PCLO: variants seen among roughly 807,000 people sequenced by gnomAD.
PCLO encodes the protein piccolo presynaptic cytomatrix protein.
In PCLO, 82 loss-of-function variants were observed where a neutral mutation model predicts 427.5. The observed-to-expected ratio is 0.19, with a 90% CI of 0.16 to 0.23. PCLO has a LOEUF of 0.23. Among genes scored for constraint, PCLO ranks in the 10% least tolerant of loss-of-function variants. The probability of loss-of-function intolerance (pLI) is 1.00; values close to 1 mark genes in which losing one functional copy is unlikely to be tolerated. For synonymous variants in PCLO, 2,357 were observed against 2,155.4 expected, an observed-to-expected ratio of 1.09 and a Z score of -2.59; for missense variants, 6,239 against 6,115.9, an observed-to-expected ratio of 1.02 and a Z score of -0.67.
intron 3 of PCLO, among the ~76,000 whole-genome samples, chr7:83,076,123 TAA>T (rs3039471): frequency 0.74 from 109,935 of 148,326 alleles, 40,854 homozygotes; most frequent in East Asian, 0.84. Flanking sequence ...TTCTTGGATT[TAA>T]AAAAAAAAAA....
intron 3 of PCLO, among the ~76,000 whole-genome samples, chr7:83,030,410 G>T (rs571240940): frequency 2.0e-5 from 3 of 152,270 alleles, no homozygotes; most frequent in Non-Finnish European, 4.4e-5. Flanking sequence ...ATGAGCAAAG[G>T]CATGGTCAAG....
In PCLO at chr7:82,890,298, C is replaced by T. The variant is rs183107251; in HGVS notation, c.13529-10836G>A. Among the ~76,000 whole-genome samples, 49 of 152,006 alleles carry T rather than the reference C, an allele frequency of 3.2e-4. No individual in the cohort carries two copies. In the East Asian group the frequency reaches 9.5e-3, roughly 29 times the overall value. On this transcript the variant is annotated intron_variant, in intron 9 of 24. Transcript: ENST00000333891. ...GAGAAGCATTGCAAAAATTTGTACA[C>T]GTAAATATATGTACACATAGTTTGT... is the stretch of plus-strand genomic sequence containing the variant.
intron 16 of PCLO, among the ~76,000 whole-genome samples, chr7:82,832,843 A>ACG (rs1562807403): frequency 7.0e-6 from 1 of 143,004 alleles, no homozygotes. Context: ...ACACACACAC[A>ACG]CGTTTTTCAA....
intron 3 of PCLO, among the ~76,000 whole-genome samples, chr7:83,004,682 C>T (rs1351370504): frequency 6.6e-6 from 1 of 151,390 alleles, no homozygotes; most frequent in Non-Finnish European, 1.5e-5. Flanking sequence ...AAGTTGACTA[C>T]ATCAAACTAA....
At position 82,966,191 on chromosome 7, in the gene PCLO, T is replaced by G. The variant is rs1385307236; in HGVS notation, c.3597A>C (p.Lys1199Asn). 1 of 1,611,414 alleles carries G rather than the reference T, an allele frequency of 6.2e-7. No homozygotes were observed. Among genetic ancestry groups the G allele is most frequent in the Non-Finnish European group, 8.5e-7 (1 of 1,179,368 alleles). ...VTTDQKQEES[K>N]LEKDKASALQ... ...GAGCTGAAGCTTTGTCTTTCTCTAG[T>G]TTACTCTCTTCTTGTTTTTGATCTG... Residue 1199 changes from lysine to asparagine, a missense_variant, in exon 4 of 25, where the codon AAA becomes AAC. By Grantham distance (94) the Lys-to-Asn change is moderately conservative. This residue lies in a region of PCLO where 4,677 missense variants were observed against 4,468.4 expected (regional missense o/e 1.05). Transcript: ENST00000333891.
chr7:82,879,678 G>C (rs149542339), intron 9 of PCLO, among the ~76,000 whole-genome samples: 1 of 152,168 alleles, frequency 6.6e-6, no homozygotes, highest in East Asian at 1.9e-4. Flanking sequence ...TGATTGACCT[G>C]ATATTAACAA....
At chr7:83,003,751 T>A (rs2115940051) in intron 3 of PCLO, among the ~76,000 whole-genome samples, 1 of 151,912 alleles carries the variant, frequency 6.6e-6, no homozygotes, top group Non-Finnish European at 1.5e-5. Context: ...ATGCTAACAT[T>A]TTGTTGAGGA....
At chr7:82,930,274 C>T (rs1388598125) in intron 6 of PCLO, among the ~76,000 whole-genome samples, 2 of 152,046 alleles carry the variant, frequency 1.3e-5, no homozygotes, top group African/African-American at 4.8e-5. Context: ...GTCTACTGCA[C>T]AGTGTAGAAG....
chr7:83,078,042 A>G (rs1759469021), intron 3 of PCLO, among the ~76,000 whole-genome samples: 1 of 152,110 alleles, frequency 6.6e-6, no homozygotes, highest in Non-Finnish European at 1.5e-5. Flanking sequence ...TCCAGCACTC[A>G]GAGTACAGGA....
intron 3 of PCLO, among the ~76,000 whole-genome samples, chr7:83,125,351 G>C (rs1486596066): frequency 1.3e-5 from 2 of 152,060 alleles, no homozygotes; most frequent in African/African-American, 2.4e-5. Flanking sequence ...TGGGAAGTGG[G>C]GGGCTGCTCT....
intron 3 of PCLO, among the ~76,000 whole-genome samples, chr7:83,008,940 T>G (rs899386630): frequency 6.6e-6 from 1 of 151,474 alleles, no homozygotes; most frequent in Non-Finnish European, 1.5e-5. Context: ...AAAAGATATA[T>G]TAAGCAAATA....
intron 3 of PCLO, among the ~76,000 whole-genome samples, chr7:82,974,937 C>T (rs1795984594): frequency 1.3e-5 from 2 of 151,952 alleles, no homozygotes; most frequent in South Asian, 4.2e-4. Flanking sequence ...CGCCACCATG[C>T]CCTGCTAATT....
Position 82,953,816 on chromosome 7 carries a change from G to A in PCLO, c.7137C>T (p.Gly2379=), listed in dbSNP as rs1398647775. The stretch of plus-strand genomic sequence containing the variant: ...CTGGAAGAGAGGAAACAGAAGGACT[G>A]CCAGATGGTAACTGAGATGCAGGTT... ...QEKPASQLPS[G]SPSVSSLPAK... Residue 2379 remains glycine (G), a synonymous_variant, in exon 5 of 25, where the codon GGC becomes GGT. Coordinates refer to ENST00000333891, the MANE Select transcript of PCLO (RefSeq NM_033026.6). 2 of 1,609,066 alleles carry A rather than the reference G, an allele frequency of 1.2e-6. No homozygotes were observed. The highest frequency in any genetic ancestry group is 1.7e-6 in the Non-Finnish European group (2 of 1,177,250).
intron 22 of PCLO, among the ~76,000 whole-genome samples, chr7:82,763,911 G>A (rs1790480438): frequency 6.6e-6 from 1 of 151,918 alleles, no homozygotes; most frequent in African/African-American, 2.4e-5. Context: ...ACAATTTTAA[G>A]CATGAAAGAA....
intron 3 of PCLO, among the ~76,000 whole-genome samples, chr7:82,984,039 A>G (rs988964811): frequency 1.3e-5 from 2 of 151,970 alleles, no homozygotes; most frequent in Admixed American, 1.3e-4. Flanking sequence ...TTAGATTCAA[A>G]TCCTAGCTAG....
At chr7:82,995,206 C>A (rs1488011426) in intron 3 of PCLO, among the ~76,000 whole-genome samples, 3 of 151,962 alleles carry the variant, frequency 2.0e-5, no homozygotes, top group Non-Finnish European at 4.4e-5. Context: ...AGGTCTATGA[C>A]TGAAGCTATA....
intron 18 of PCLO, among the ~76,000 whole-genome samples, chr7:82,825,957 T>C (rs1791932875): frequency 6.7e-6 from 1 of 149,334 alleles, no homozygotes; most frequent in Non-Finnish European, 1.5e-5. Context: ...AATGTATATA[T>C]ATAATAGATT....
rs1266276975 is a variant in PCLO, at chr7:83,096,997, TTATATAAATAA to T, written c.3300+37242_3300+37252del. ...TTATATATTATATAAATAATATATA[TTATATAAATAA>T]TATATATTATATATTATATAAATAT... On this transcript the variant is annotated intron_variant, in intron 3 of 24. Coordinates refer to ENST00000333891, the MANE Select transcript of PCLO (RefSeq NM_033026.6). Among the ~76,000 whole-genome samples, 259 of 28,280 alleles carry T rather than the reference TTATATAAATAA, an allele frequency of 9.2e-3. 15 individuals are homozygous for T. Among genetic ancestry groups the T allele is most frequent in the East Asian group, 0.012 (7 of 598 alleles). 18.6% of individuals were successfully genotyped at this position (28,280 alleles called of 152,430 possible).
At chr7:82,913,720 G>A (rs1339090591) in intron 7 of PCLO, among the ~76,000 whole-genome samples, 3 of 151,820 alleles carry the variant, frequency 2.0e-5, no homozygotes, top group Non-Finnish European at 4.4e-5. Flanking sequence ...CTTTAAATCA[G>A]TTTTTAGTTA....
Sources: allele counts gnomAD v4.1 joint callset (sites outside exome capture counted in the v4.1 genomes callset), GRCh38; gene constraint gnomAD v4.1.1; regional missense constraint gnomAD v4.1.1; transcripts MANE v1.5; gene names NCBI Gene and HGNC (gene_info 2026-07-23, HGNC 2026-07-21).